HERC1: variants seen among roughly 807,000 people sequenced by gnomAD.
The protein encoded by HERC1 is probable E3 ubiquitin-protein ligase HERC1.
A neutral mutation model predicts 554.3 loss-of-function variants in HERC1; 160 were observed. That is an observed-to-expected ratio of 0.29 (90% CI 0.25 to 0.33). The LOEUF (loss-of-function observed/expected upper bound fraction) is 0.33, where lower values mean the gene tolerates loss of function less well. Ranked by LOEUF, HERC1 falls within the 10% of genes least tolerant of loss-of-function variation. The probability of loss-of-function intolerance (pLI) is 1.00; values close to 1 mark genes in which losing one functional copy is unlikely to be tolerated. For missense variants in HERC1, 4,919 were observed against 5,918.5 expected, an observed-to-expected ratio of 0.83 and a Z score of 5.54; for synonymous variants, 2,175 against 2,131.7, an observed-to-expected ratio of 1.02 and a Z score of -0.56.
chr15:63,800,007 GC>G lies in HERC1; in HGVS notation c.-26-24359del, dbSNP rs983253324. On this transcript the variant is annotated intron_variant, in intron 1 of 77. Coordinates refer to ENST00000443617, the MANE Select transcript of HERC1 (RefSeq NM_003922.4). ...TAGTTAGCCAGATGTGGTGGTATAT[GC>G]CTGTAGTCCTAGCTACTGGGGAGGC... is the stretch of plus-strand genomic sequence containing the variant. 6.0e-4 allele frequency among the ~76,000 whole-genome samples: 91 copies of G among 152,180 alleles called. 2 individuals are homozygous for G. Among genetic ancestry groups the G allele is most frequent in the African/African-American group, 2.1e-3 (86 of 41,538 alleles).
intron 51 of HERC1, among the ~76,000 whole-genome samples, chr15:63,653,792 G>A (rs2069843492): frequency 6.6e-6 from 1 of 151,942 alleles, no homozygotes; most frequent in South Asian, 2.1e-4. Context: ...TTTTCCATTG[G>A]TAGTTGGTTG....
rs981554701 is a variant in HERC1, at chr15:63,668,189, A to G, written c.8206+1349T>C. Among the ~76,000 whole-genome samples the G allele has an allele frequency of 2.0e-5, 3 of 152,244 alleles. No homozygotes were observed. In the East Asian group the frequency reaches 5.8e-4, roughly 29 times the overall value. On this transcript the variant is annotated intron_variant, in intron 40 of 77. Coordinates refer to ENST00000443617, the MANE Select transcript of HERC1 (RefSeq NM_003922.4). ...AGGTGGATTTAAAACCAACCATATC[A>G]ATGATCACATTAAATGTAAAAGGCA... is the stretch of plus-strand genomic sequence containing the variant.
chr15:63,680,530 T>A lies in HERC1; in HGVS notation c.6465+7A>T. ...AAAATGTAATGCTTGTGAATGGGTG[T>A]CGGTACCTCTCCATTTTTCCCAAAA... On this transcript the variant is annotated splice_region_variant and intron_variant, in intron 35 of 77. Transcript: ENST00000443617. The surrounding 1 kb of genome is among the most constrained non-coding windows in gnomAD (Gnocchi z 5.8). The A allele has an allele frequency of 6.2e-7, 1 of 1,613,410 alleles. No homozygotes were observed. Among genetic ancestry groups the A allele is most frequent in the Admixed American group, 1.7e-5 (1 of 59,980 alleles).
intron 1 of HERC1, among the ~76,000 whole-genome samples, chr15:63,798,224 G>T (rs1017900483): frequency 6.6e-6 from 1 of 152,038 alleles, no homozygotes; most frequent in African/African-American, 2.4e-5. Context: ...CTGATAGCAG[G>T]TTCTCCCCAG....
Position 63,811,800 on chromosome 15 carries a change from C to T in HERC1, c.-27+22027G>A, listed in dbSNP as rs548992797. On this transcript the variant is annotated intron_variant, in intron 1 of 77. Transcript: ENST00000443617. ...CTCCAGCCTGGGCGACTCAGTGAGA[C>T]TCCGTCTCCAAAAAAAAAAAAAAAA... Among the ~76,000 whole-genome samples, 3 of 128,774 alleles carry T rather than the reference C, an allele frequency of 2.3e-5. No individual in the cohort carries two copies. The East Asian group carries it at 6.2e-4, about 27-fold the overall frequency. The allele number at this position is 128,774 out of a possible 152,430, so 84.5% of individuals were successfully genotyped here.
chr15:63,674,220 C>A, intron 38 of HERC1, 122 bp downstream of exon 38: 2 of 692,648 alleles, frequency 2.9e-6, no homozygotes, highest in Non-Finnish European at 4.4e-6. Context: ...GTGAAAATTG[C>A]TTTGACCAAA....
intron 74 of HERC1, among the ~76,000 whole-genome samples, chr15:63,621,018 G>A (rs2152751883): frequency 6.6e-6 from 1 of 152,282 alleles, no homozygotes; most frequent in African/African-American, 2.4e-5. Flanking sequence ...TGTTATGTGT[G>A]AATTTGATCC....
chr15:63,658,684 C>G lies in HERC1; in HGVS notation c.9459G>C (p.Gly3153=), dbSNP rs770885015. 17 of 1,613,302 alleles carry G rather than the reference C, an allele frequency of 1.1e-5. No homozygotes were observed. The African/African-American group carries it at 1.7e-4, about 16-fold the overall frequency. Residue 3153 remains glycine, a synonymous_variant, in exon 48 of 78, where the codon GGG becomes GGC. Transcript: ENST00000443617. ...CTGCCTGCTCTCCTAACGTTATTCTCCCAGAGGAGCTCTTTTCTACGGAGC... is the reference window on the plus strand; with the variant it reads ...CTGCCTGCTCTCCTAACGTTATTCTGCCAGAGGAGCTCTTTTCTACGGAGC... ...CHGSVEKSSS[G]RITLGEQAAA...
At position 63,612,245 on chromosome 15, in the gene HERC1, A is replaced by T. The variant is rs769682318; in HGVS notation, c.14400+6T>A. The T allele has an allele frequency of 6.3e-7, 1 of 1,596,732 alleles. No homozygotes were observed. The highest frequency in any genetic ancestry group is 1.1e-5 in the South Asian group (1 of 89,184). On this transcript the variant is annotated splice_donor_region_variant and intron_variant, in intron 77 of 77. Transcript: ENST00000443617. The surrounding 1 kb of genome is among the most constrained non-coding windows in gnomAD (Gnocchi z 5.0). ...ATTACAAAGGAAAAAAGAATAGCTT[A>T]CTTACCCTATCAACCTTCATGATTT...
chr15:63,641,617 T>C lies in HERC1; in HGVS notation c.11460A>G (p.Ala3820=). 6.4e-7 allele frequency: 1 copy of C among 1,569,400 alleles called. No homozygotes were observed. The highest frequency in any genetic ancestry group is 8.7e-7 in the Non-Finnish European group (1 of 1,155,246). ...AAACATGATTGGCAGCTGCCCATTC[T>C]GCTGTACAATTCACGACCAAAACAT... is the stretch of plus-strand genomic sequence containing the variant. ...SKDVLVVNCT[A]EWAAANHVLA... Residue 3820 remains alanine, a synonymous_variant, in exon 60 of 78, where the codon GCA becomes GCG. Coordinates refer to ENST00000443617, the MANE Select transcript of HERC1 (RefSeq NM_003922.4).
In HERC1 at chr15:63,677,709, T is replaced by C. The variant is rs1417147654; in HGVS notation, c.7070+136A>G. The C allele has an allele frequency of 2.8e-6, 4 of 1,412,022 alleles. No homozygotes were observed. The highest frequency in any genetic ancestry group is 3.8e-6 in the Non-Finnish European group (4 of 1,056,562). 87.5% of individuals were successfully genotyped at this position (1,412,022 alleles called of 1,614,324 possible). On this transcript the variant is annotated intron_variant, in intron 37 of 77. Transcript: ENST00000443617. This position sits in a 1 kb window ranked among gnomAD's most constrained non-coding sequence, Gnocchi z 4.4. ...CCTTTAAGAAATTACAGTAGAAACA[T>C]CTAGCTGCATGAGAAATATTTTTAA...
At chr15:63,664,625 G>C (rs1477373159) in intron 42 of HERC1, 31 bp from the exon 43 acceptor site, 1 of 1,599,024 alleles carries the variant, frequency 6.3e-7, no homozygotes, top group African/African-American at 1.3e-5. Context: ...GCAACACAAA[G>C]TTTTTGAAAC....
intron 2 of HERC1, among the ~76,000 whole-genome samples, chr15:63,770,116 A>AATCTC: frequency 1.3e-5 from 2 of 152,192 alleles, no homozygotes; most frequent in East Asian, 3.9e-4. Context: ...TTGCAGCCTC[A>AATCTC]ATCTCATCTC....
chr15:63,700,802 A>C (rs1355895463), intron 25 of HERC1, among the ~76,000 whole-genome samples: 1 of 151,774 alleles, frequency 6.6e-6, no homozygotes, highest in Non-Finnish European at 1.5e-5. Flanking sequence ...TGTAGACCTG[A>C]ATATTCTTTC....
chr15:63,622,744 G>T, intron 74 of HERC1, 71 bp downstream of exon 74: 1 of 1,191,832 alleles, frequency 8.4e-7, no homozygotes. Flanking sequence ...CTGGTACATA[G>T]TAAGCACTCA....
chr15:63,796,808 T>C (rs981594053), intron 1 of HERC1, among the ~76,000 whole-genome samples: 3 of 152,250 alleles, frequency 2.0e-5, no homozygotes, highest in Non-Finnish European at 4.4e-5. Flanking sequence ...AAGAAATGTC[T>C]GTGTTACAAT....
intron 1 of HERC1, among the ~76,000 whole-genome samples, chr15:63,804,157 G>T (rs1480291765): frequency 6.6e-6 from 1 of 152,160 alleles, no homozygotes; most frequent in South Asian, 2.1e-4. Context: ...AGACCGAAAC[G>T]TAAGAGCTAA....
intron 21 of HERC1, among the ~76,000 whole-genome samples, chr15:63,717,760 T>C (rs2073625019): frequency 6.6e-6 from 1 of 152,138 alleles, no homozygotes; most frequent in South Asian, 2.1e-4. Context: ...TAATCCCAGC[T>C]ACTCGGGAGG....
At chr15:63,683,113 G>C (rs1360874547) in intron 34 of HERC1, among the ~76,000 whole-genome samples, 1 of 139,632 alleles carries the variant, frequency 7.2e-6, no homozygotes, top group African/African-American at 2.6e-5. Context: ...TCCAGCCTGG[G>C]CAACAGAGCT....
Sources: allele counts gnomAD v4.1 joint callset (sites outside exome capture counted in the v4.1 genomes callset), GRCh38; gene constraint gnomAD v4.1.1; non-coding constraint Gnocchi (gnomAD v3.1); transcripts MANE v1.5; gene names NCBI Gene and HGNC (gene_info 2026-07-23, HGNC 2026-07-21).